The following CHCHD3 variants were observed in gnomAD, a reference collection of about 807,000 sequenced individuals.
The protein encoded by CHCHD3 is coiled-coil-helix-coiled-coil-helix domain containing 3.
Under a neutral mutation model 38.2 loss-of-function variants are expected in CHCHD3, and 20 were observed. The observed-to-expected ratio is 0.52, with a 90% confidence interval of 0.37 to 0.76. CHCHD3 has a LOEUF of 0.76. CHCHD3 is among the 30% of genes least tolerant of loss of function. The probability of loss-of-function intolerance (pLI) is 0.00; values close to 1 mark genes in which losing one functional copy is unlikely to be tolerated. For synonymous variants in CHCHD3, 82 were observed against 100.0 expected, an observed-to-expected ratio of 0.82 and a Z score of 1.07; for missense variants, 245 against 279.2, an observed-to-expected ratio of 0.88 and a Z score of 0.87.
At chr7:132,851,743 C>T (rs1018044251) in intron 5 of CHCHD3, among the ~76,000 whole-genome samples, 2 of 152,184 alleles carry the variant, frequency 1.3e-5, no homozygotes, top group Non-Finnish European at 2.9e-5. Context: ...TGATGTGACA[C>T]AGTCACTCTC....
At chr7:132,876,049 C>T (rs977041611) in intron 5 of CHCHD3, among the ~76,000 whole-genome samples, 3 of 152,186 alleles carry the variant, frequency 2.0e-5, no homozygotes, top group Non-Finnish European at 4.4e-5. Context: ...GATTGAAGAG[C>T]ACTTTCTAAC....
At chr7:132,910,526 T>C (rs759034498) in intron 4 of CHCHD3, among the ~76,000 whole-genome samples, 1 of 152,238 alleles carries the variant, frequency 6.6e-6, no homozygotes, top group Non-Finnish European at 1.5e-5. Flanking sequence ...ATTTCTGCAG[T>C]TTCCCTTTGT....
intron 4 of CHCHD3, among the ~76,000 whole-genome samples, chr7:132,926,529 AT>A (rs1476580670): frequency 6.6e-6 from 1 of 152,208 alleles, no homozygotes; most frequent in East Asian, 1.9e-4. Flanking sequence ...GAAGTATTCT[AT>A]CCGTAAAAGG....
intron 4 of CHCHD3, chr7:132,972,796 T>G (rs1811645268): frequency 6.1e-6 from 6 of 985,100 alleles, no homozygotes; most frequent in Non-Finnish European, 6.0e-6. Flanking sequence ...AATACAGGAG[T>G]TGTGAGTACT....
chr7:132,906,355 C>T (rs1275655076), intron 4 of CHCHD3, among the ~76,000 whole-genome samples: 1 of 152,174 alleles, frequency 6.6e-6, no homozygotes, highest in Non-Finnish European at 1.5e-5. Context: ...TTGAAAACTG[C>T]ATACCACCTG....
At chr7:132,814,292 G>A (rs1037908844) in intron 6 of CHCHD3, among the ~76,000 whole-genome samples, 5 of 152,162 alleles carry the variant, frequency 3.3e-5, no homozygotes, top group African/African-American at 7.2e-5. Flanking sequence ...TAGACATGCC[G>A]GTGTTACTAA....
chr7:133,002,349 T>G (rs1453945627), intron 3 of CHCHD3, among the ~76,000 whole-genome samples: 1 of 152,190 alleles, frequency 6.6e-6, no homozygotes, highest in African/African-American at 2.4e-5. Flanking sequence ...GGTAAATCAC[T>G]GACTTGAGAT....
chr7:132,868,979 T>C (rs1808698365), intron 5 of CHCHD3, among the ~76,000 whole-genome samples: 1 of 152,040 alleles, frequency 6.6e-6, no homozygotes, highest in Admixed American at 6.5e-5. Context: ...TATAACTCAG[T>C]CTGTACTTAC....
intron 5 of CHCHD3, among the ~76,000 whole-genome samples, chr7:132,872,344 G>T (rs1808785769): frequency 6.6e-6 from 1 of 152,206 alleles, no homozygotes; most frequent in South Asian, 2.1e-4. Context: ...AGCTAAGCGT[G>T]CTGGGCTGCT....
intron 2 of CHCHD3, among the ~76,000 whole-genome samples, chr7:133,062,952 T>C (rs1448198279): frequency 6.6e-6 from 1 of 152,172 alleles, no homozygotes; most frequent in Non-Finnish European, 1.5e-5. Flanking sequence ...TGGAAGTTCC[T>C]AGTCACAGAA....
intron 2 of CHCHD3, among the ~76,000 whole-genome samples, chr7:133,059,033 G>A (rs780469702): frequency 1.3e-5 from 2 of 152,094 alleles, no homozygotes; most frequent in Non-Finnish European, 2.9e-5. Context: ...AAACCAAACC[G>A]CAACCTTCCT....
chr7:132,875,603 C>G (rs1258346739), intron 5 of CHCHD3, among the ~76,000 whole-genome samples: 1 of 152,180 alleles, frequency 6.6e-6, no homozygotes, highest in African/African-American at 2.4e-5. Context: ...TCCATGGGCC[C>G]ATTGCGCCAC....
chr7:132,790,071 C>T (rs1187005873), intron 7 of CHCHD3, among the ~76,000 whole-genome samples: 1 of 152,242 alleles, frequency 6.6e-6, no homozygotes, highest in African/African-American at 2.4e-5. Flanking sequence ...ACCTGGAAAT[C>T]TGATTAGATC....
chr7:132,917,049 T>C (rs1311682155), intron 4 of CHCHD3, among the ~76,000 whole-genome samples: 1 of 152,118 alleles, frequency 6.6e-6, no homozygotes, highest in Admixed American at 6.6e-5. Flanking sequence ...AAAGTCTGAG[T>C]GCATGCAAAT....
At chr7:132,809,832 G>A (rs940470256) in intron 6 of CHCHD3, among the ~76,000 whole-genome samples, 1 of 152,028 alleles carries the variant, frequency 6.6e-6, no homozygotes, top group Non-Finnish European at 1.5e-5. Context: ...TCTTGGATAA[G>A]GGCACTATCT....
intron 5 of CHCHD3, among the ~76,000 whole-genome samples, chr7:132,860,904 G>A (rs145961811): frequency 2.5e-3 from 380 of 152,298 alleles, no homozygotes; most frequent in African/African-American, 8.2e-3. Flanking sequence ...GAATACAGGC[G>A]TGAGCCACCA....
At chr7:132,846,243 GGCCTCTCTCTT>G (rs2117108196) in intron 5 of CHCHD3, among the ~76,000 whole-genome samples, 1 of 152,264 alleles carries the variant, frequency 6.6e-6, no homozygotes, top group Admixed American at 6.5e-5. Flanking sequence ...TTCAAACCTG[GGCCTCTCTCTT>G]GCAACCCTGC....
intron 2 of CHCHD3, among the ~76,000 whole-genome samples, chr7:133,061,423 C>T (rs759832561): frequency 1.3e-5 from 2 of 149,414 alleles, no homozygotes; most frequent in African/African-American, 2.5e-5. Context: ...ACAAGGTCTG[C>T]GAGTGACCCT....
chr7:133,003,114 G>A (rs1046007122), intron 3 of CHCHD3, among the ~76,000 whole-genome samples: 6 of 152,288 alleles, frequency 3.9e-5, no homozygotes, highest in Admixed American at 2.0e-4. Flanking sequence ...AAAGCATTAA[G>A]GATCTATATA....
Sources: allele counts gnomAD v4.1 joint callset (sites outside exome capture counted in the v4.1 genomes callset), GRCh38; gene constraint gnomAD v4.1.1; transcripts MANE v1.5; gene names NCBI Gene and HGNC (gene_info 2026-07-23, HGNC 2026-07-21).